The following CROCC2 variants were observed in gnomAD, a reference collection of about 807,000 sequenced individuals.
The protein encoded by CROCC2 is ciliary rootlet coiled-coil, rootletin family member 2, also known as ciliary rootlet coiled-coil protein 2.
In CROCC2, 163 loss-of-function variants were observed where a neutral mutation model predicts 177.6. The observed-to-expected ratio is 0.92, with a 90% CI of 0.81 to 1.05. The LOEUF is 1.05. Ranked by LOEUF, CROCC2 falls within the 50% of genes least tolerant of loss-of-function variation. CROCC2 has a pLI of 0.00. For missense variants in CROCC2, 1,929 were observed against 1,797.8 expected (o/e 1.07, Z -1.32); for synonymous variants, 904 against 787.3 (o/e 1.15, Z -2.48).
intron 26 of CROCC2, 112 bp downstream of exon 26, chr2:240,967,577 G>A: frequency 2.0e-6 from 3 of 1,497,750 alleles, no homozygotes; most frequent in Non-Finnish European, 2.7e-6. Context: ...AGCTCGGTGG[G>A]AAGGGAGCCT....
At chr2:240,968,483 G>C (rs1005331172) in intron 27 of CROCC2, among the ~76,000 whole-genome samples, 1 of 152,196 alleles carries the variant, frequency 6.6e-6, no homozygotes, top group Admixed American at 6.5e-5. Flanking sequence ...GACTGGGGTC[G>C]TCCTTAGCAG....
At chr2:240,985,637 GCACT>G (rs2059834442) in intron 28 of CROCC2, among the ~76,000 whole-genome samples, 2 of 75,816 alleles carry the variant, frequency 2.6e-5, no homozygotes, top group African/African-American at 5.8e-5. Context: ...ACACACCCAG[GCACT>G]CACTCCACAC....
At position 240,965,783 on chromosome 2, in the gene CROCC2, G is replaced by A. The variant is rs1475892495; in HGVS notation, c.3751G>A (p.Ala1251Thr). ...CAGTGTCACCAGGAAGCTGCAGGAA[G>A]CCAGTGGTGTGGCTGATGCTCTCCA... ...LHSVTRKLQE[A>T]SGVADALQAR... The change falls in exon 24 of 32, where the codon GCC (alanine) becomes ACC (threonine). Residue 1251 changes from alanine (A) to threonine (T), a missense_variant. By Grantham distance (58) the Ala-to-Thr change is moderately conservative. This residue lies in a region of CROCC2 where 144 missense variants were observed against 205.2 expected (regional missense o/e 0.70). Coordinates refer to ENST00000690015, the MANE Select transcript of CROCC2 (RefSeq NM_001351305.2). 1 of 1,490,518 alleles carries A rather than the reference G, an allele frequency of 6.7e-7. No individual in the cohort carries two copies. Among genetic ancestry groups the A allele is most frequent in the Non-Finnish European group, 8.9e-7 (1 of 1,119,312 alleles). The allele number at this position is 1,490,518 out of a possible 1,614,324, so 92.3% of individuals were successfully genotyped here.
intron 20 of CROCC2, chr2:240,959,939 A>C (rs10169544): frequency 0.68 from 103,850 of 152,858 alleles, 36,096 homozygotes; most frequent in African/African-American, 0.82. Context: ...AGGGCACTGG[A>C]GGGGCACACC....
chr2:240,963,824 A>C, intron 21 of CROCC2, 51 bp downstream of exon 21: 1 of 1,527,368 alleles, frequency 6.5e-7, no homozygotes, highest in Non-Finnish European at 8.9e-7. Flanking sequence ...CCTGCTGCCC[A>C]CCCAGGCCGT....
rs1037646044 is a variant in CROCC2, at chr2:240,965,864, C to G, written c.3832C>G (p.Gln1278Glu). 1.2e-5 allele frequency: 17 copies of G among 1,446,376 alleles called. No homozygotes were observed. The African/African-American group carries it at 1.4e-4, about 12-fold the overall frequency. 89.6% of individuals were successfully genotyped at this position (1,446,376 alleles called of 1,614,324 possible). A position where few individuals can be genotyped will look rare whatever the true frequency, so the allele number is the denominator to read the frequency against. The change falls in exon 24 of 32, where the codon CAG becomes GAG. Residue 1278 changes from glutamine to glutamate, a missense_variant. Transcript: ENST00000690015. ...RIHSLEQELA[Q>E]AEGARQDAEA... is the part of the protein sequence containing the mutation. ...CCACAGCCTGGAGCAGGAGCTGGCC[C>G]AGGCTGAGGGTGCAAGGCAGGATGC...
At position 240,972,559 on chromosome 2, in the gene CROCC2, G is replaced by A. The variant is rs763713529; in HGVS notation, c.4401+4297G>A. On this transcript the variant is annotated intron_variant, in intron 27 of 31. Coordinates refer to ENST00000690015, the MANE Select transcript of CROCC2 (RefSeq NM_001351305.2). This position sits in a 1 kb window ranked among gnomAD's most constrained non-coding sequence, Gnocchi z 7.1. ...TTCTGAGTCAGGGTATGGGGACATG[G>A]GGGTCCAACTTTGGGTCTCCACAAT... 3.3e-5 allele frequency among the ~76,000 whole-genome samples: 5 copies of A among 151,946 alleles called. No individual in the cohort carries two copies. The highest frequency in any genetic ancestry group is 3.9e-4 in the East Asian group (2 of 5,162).
intron 27 of CROCC2, among the ~76,000 whole-genome samples, chr2:240,971,049 C>T (rs56026156): frequency 0.094 from 14,378 of 152,176 alleles, 1,427 homozygotes; most frequent in East Asian, 0.41. Flanking sequence ...CATTTCTGTG[C>T]GGTCGGCCAA....
At chr2:240,926,509 G>A (rs1264218287) in intron 5 of CROCC2, among the ~76,000 whole-genome samples, 1 of 152,262 alleles carries the variant, frequency 6.6e-6, no homozygotes, top group East Asian at 1.9e-4. Flanking sequence ...GTTCCCAACA[G>A]CCCTCCAGCA....
chr2:240,983,069 A>G, intron 28 of CROCC2, 40 bp downstream of exon 28: 1 of 1,538,800 alleles, frequency 6.5e-7, no homozygotes, highest in Non-Finnish European at 8.8e-7. Flanking sequence ...TGTCACCAGG[A>G]GGCGGTGAAC....
Position 240,948,980 on chromosome 2 carries a change from G to A in CROCC2, c.2365G>A (p.Val789Met), listed in dbSNP as rs1463765199. 9.0e-6 allele frequency: 14 copies of A among 1,550,376 alleles called. No individual in the cohort carries two copies. In the South Asian group the frequency reaches 1.2e-4, roughly 13 times the overall value. Residue 789 changes from valine (V) to methionine (M), a missense_variant and splice_region_variant, in exon 16 of 32, where the codon GTG becomes ATG. Around this residue, in one of 3 missense-constraint regions of CROCC2, gnomAD observed 1,397 missense variants for 1,239.9 expected, o/e 1.13. Coordinates refer to ENST00000690015, the MANE Select transcript of CROCC2 (RefSeq NM_001351305.2). ...CCATTGTTTGCTGCATCTTTGCAGGGTGGAGAGGGACTCCCTGGAGAGCAG... is the reference window on the plus strand; with the variant it reads ...CCATTGTTTGCTGCATCTTTGCAGGATGGAGAGGGACTCCCTGGAGAGCAG... ...LAAEEAADLRVERDSLESSLL... is the reference protein window; with the variant it reads ...LAAEEAADLRMERDSLESSLL...
At chr2:240,945,091 C>T (rs1196789712) in intron 14 of CROCC2, among the ~76,000 whole-genome samples, 1 of 152,118 alleles carries the variant, frequency 6.6e-6, no homozygotes, top group East Asian at 1.9e-4. Flanking sequence ...TGTGTGCCAT[C>T]GTGCCTGGCT....
chr2:240,932,903 G>A lies in CROCC2; in HGVS notation c.1246G>A (p.Glu416Lys). ...RAAIERRWRREQELCLQLKSS... is the reference protein window; with the variant it reads ...RAAIERRWRRKQELCLQLKSS... ...AGCCATAGAGAGGCGGTGGCGGCGG[G>A]AACAGGTGGGCAGCCGCAGCCCACA... The change falls in exon 9 of 32, where the codon GAA becomes AAA. Residue 416 changes from glutamate (E) to lysine (K), a missense_variant. Coordinates refer to ENST00000690015, the MANE Select transcript of CROCC2 (RefSeq NM_001351305.2). 6.5e-7 allele frequency: 1 copy of A among 1,545,682 alleles called. No homozygotes were observed. The highest frequency in any genetic ancestry group is 8.7e-7 in the Non-Finnish European group (1 of 1,146,220).
At chr2:240,974,347 CTT>C (rs57051056) in intron 27 of CROCC2, among the ~76,000 whole-genome samples, 2,701 of 127,028 alleles carry the variant, frequency 0.021, 84 homozygotes, top group African/African-American at 0.072. Flanking sequence ...TTTTAGTTTA[CTT>C]TTTTTTTTTT....
intron 15 of CROCC2, among the ~76,000 whole-genome samples, chr2:240,948,764 G>T (rs1409174934): frequency 1.3e-5 from 2 of 152,172 alleles, no homozygotes; most frequent in African/African-American, 2.4e-5. Context: ...GTGGCTTTTT[G>T]GGGGGACTCT....
At position 240,933,350 on chromosome 2, in the gene CROCC2, G is replaced by A; in HGVS notation, c.1463+8G>A. 2.7e-6 allele frequency: 4 copies of A among 1,504,532 alleles called. No individual in the cohort carries two copies. The South Asian group carries it at 3.9e-5, about 15-fold the overall frequency. 93.2% of individuals were successfully genotyped at this position (1,504,532 alleles called of 1,614,324 possible). The stretch of plus-strand genomic sequence containing the variant: ...CTGCAAGCTCCTGGGGAGGTAATGG[G>A]GTGAAGGGGTTGCACGGCCTTGCAC... On this transcript the variant is annotated splice_region_variant and intron_variant, in intron 10 of 31. Coordinates refer to ENST00000690015, the MANE Select transcript of CROCC2 (RefSeq NM_001351305.2).
rs559068690 is a variant in CROCC2 at position 240,923,258 on chromosome 2, G to C, written c.488+613G>C. Among the ~76,000 whole-genome samples the C allele has an allele frequency of 1.7e-4, 25 of 148,456 alleles. No homozygotes were observed. The East Asian group carries it at 4.6e-3, about 27-fold the overall frequency. ...AATGACAGGGAGAGAGTGGCGGAGA[G>C]GGACAGAGCCCCCCCCGCCACCGCT... On this transcript the variant is annotated intron_variant, in intron 4 of 31. Transcript: ENST00000690015.
At chr2:240,931,794 A>T (rs2059433032) in intron 7 of CROCC2, among the ~76,000 whole-genome samples, 1 of 152,202 alleles carries the variant, frequency 6.6e-6, no homozygotes, top group South Asian at 2.1e-4. Context: ...GCTGAGTCAA[A>T]CACACCACAA....
chr2:240,944,221 C>G (rs1001547989), intron 14 of CROCC2, among the ~76,000 whole-genome samples: 2 of 152,198 alleles, frequency 1.3e-5, no homozygotes, highest in African/African-American at 4.8e-5. Flanking sequence ...GTCTTTTTCC[C>G]TTTGTTTTTT....
Sources: allele counts gnomAD v4.1 joint callset (sites outside exome capture counted in the v4.1 genomes callset), GRCh38; gene constraint gnomAD v4.1.1; regional missense constraint gnomAD v4.1.1; non-coding constraint Gnocchi (gnomAD v3.1); transcripts MANE v1.5; gene names NCBI Gene and HGNC (gene_info 2026-07-23, HGNC 2026-07-21).